The following EFHC1 variants were observed in gnomAD, a reference collection of about 807,000 sequenced individuals.
EFHC1 encodes EF-hand domain containing 1.
In EFHC1, 53 loss-of-function variants were observed where a neutral mutation model predicts 69.9. That is an observed-to-expected ratio of 0.76 (90% CI 0.61 to 0.95). EFHC1 has a LOEUF of 0.95. EFHC1 is among the 40% of genes least tolerant of loss of function. EFHC1 has a pLI of 0.00. For missense variants in EFHC1, 739 were observed against 798.7 expected (o/e 0.93, Z 0.90); for synonymous variants, 256 against 278.4 (o/e 0.92, Z 0.80).
intron 3 of EFHC1, among the ~76,000 whole-genome samples, chr6:52,449,027 C>T (rs558651045): frequency 2.6e-4 from 39 of 152,190 alleles, no homozygotes; most frequent in Non-Finnish European, 4.8e-4. Context: ...ATGCTGGCCT[C>T]ATAGAATGAG....
intron 3 of EFHC1, among the ~76,000 whole-genome samples, chr6:52,448,590 C>T (rs1020026275): frequency 6.6e-6 from 1 of 152,196 alleles, no homozygotes; most frequent in African/African-American, 2.4e-5. Flanking sequence ...TGAGATGAAC[C>T]CAGTACCTCA....
chr6:52,437,335 G>C (rs1581818143), intron 2 of EFHC1, among the ~76,000 whole-genome samples: 1 of 152,150 alleles, frequency 6.6e-6, no homozygotes, highest in African/African-American at 2.4e-5. Context: ...TGACATGGAG[G>C]TGAAGCTAGT....
chr6:52,450,279 T>C (rs1479826284), intron 3 of EFHC1, among the ~76,000 whole-genome samples: 1 of 152,224 alleles, frequency 6.6e-6, no homozygotes, highest in Non-Finnish European at 1.5e-5. Context: ...ACGTATACTC[T>C]GTTGTTTTTG....
At chr6:52,440,743 C>T (rs12665578) in intron 3 of EFHC1, among the ~76,000 whole-genome samples, 28,969 of 152,004 alleles carry the variant, frequency 0.19, 3,228 homozygotes, top group Admixed American at 0.34. Context: ...CTAATTTATA[C>T]TCTCATCACC....
At chr6:52,460,953 T>C (rs376294476) in intron 5 of EFHC1, among the ~76,000 whole-genome samples, 1 of 152,202 alleles carries the variant, frequency 6.6e-6, no homozygotes, top group Non-Finnish European at 1.5e-5. Flanking sequence ...TCATTAACTA[T>C]ACAAATTAAA....
chr6:52,473,741 C>T (rs1765487693), intron 7 of EFHC1, among the ~76,000 whole-genome samples: 1 of 151,924 alleles, frequency 6.6e-6, no homozygotes, highest in African/African-American at 2.4e-5. Flanking sequence ...GAGACTGAGC[C>T]ACTTCACTTC....
At chr6:52,474,567 C>T (rs1056204417) in intron 7 of EFHC1, among the ~76,000 whole-genome samples, 5 of 152,026 alleles carry the variant, frequency 3.3e-5, no homozygotes, top group African/African-American at 1.2e-4. Flanking sequence ...TTTATAATAG[C>T]GTAATTCATA....
At chr6:52,422,861 CAT>C (rs1764220350) in intron 1 of EFHC1, among the ~76,000 whole-genome samples, 1 of 152,152 alleles carries the variant, frequency 6.6e-6, no homozygotes, top group African/African-American at 2.4e-5. Context: ...TTGCAGTACA[CAT>C]ATAATTTTAT....
intron 3 of EFHC1, among the ~76,000 whole-genome samples, chr6:52,451,543 C>T (rs1764916650): frequency 6.6e-6 from 1 of 152,152 alleles, no homozygotes; most frequent in Non-Finnish European, 1.5e-5. Flanking sequence ...GTGACCTGCC[C>T]TTTCTCTGTA....
chr6:52,457,937 T>C (rs1304979939), intron 5 of EFHC1, among the ~76,000 whole-genome samples: 5 of 152,198 alleles, frequency 3.3e-5, no homozygotes, highest in Non-Finnish European at 5.9e-5. Context: ...GGAAACACCA[T>C]GCTAGGCAAT....
rs1218592092 is a variant in EFHC1, at chr6:52,479,804, T to A, written c.1640+17T>A. ...AGCAGAAAGGTGTGTGTTTGATTGC[T>A]AGGGTTTGGCACACTCAAGATATTC... is the stretch of plus-strand genomic sequence containing the variant. On this transcript the variant is annotated intron_variant, in intron 9 of 10. Coordinates refer to ENST00000371068, the MANE Select transcript of EFHC1 (RefSeq NM_018100.4). 1 of 1,613,552 alleles carries A rather than the reference T, an allele frequency of 6.2e-7. No individual in the cohort carries two copies.
intron 7 of EFHC1, among the ~76,000 whole-genome samples, chr6:52,477,989 C>T (rs3933247): frequency 0.18 from 27,226 of 151,796 alleles, 2,880 homozygotes; most frequent in Non-Finnish European, 0.24. Flanking sequence ...ATGTTTATTG[C>T]GGCATTATTC....
At chr6:52,449,251 C>G (rs1764861534) in intron 3 of EFHC1, among the ~76,000 whole-genome samples, 1 of 152,010 alleles carries the variant, frequency 6.6e-6, no homozygotes, top group African/African-American at 2.4e-5. Context: ...GGCGTGGTGG[C>G]AGGCGCCTGT....
At position 52,465,037 on chromosome 6, in the gene EFHC1, G is replaced by A. The variant is rs200024100; in HGVS notation, c.1059G>A (p.Arg353=). Residue 353 remains arginine, a synonymous_variant, in exon 6 of 11, where the codon CGG becomes CGA. Coordinates refer to ENST00000371068, the MANE Select transcript of EFHC1 (RefSeq NM_018100.4). ...ATGATTGTGATCCATTTACTCGACG[G>A]TATTACAAAGAGAAGTTTGGAATCA... ...FIYDCDPFTR[R]YYKEKFGITD... is the part of the protein sequence containing the mutation. 9 of 1,614,062 alleles carry A rather than the reference G, an allele frequency of 5.6e-6. No homozygotes were observed. In the East Asian group the frequency reaches 2.0e-4, roughly 36 times the overall value.
intron 3 of EFHC1, 64 bp from the exon 4 acceptor site, chr6:52,452,624 C>A: frequency 6.4e-7 from 1 of 1,573,096 alleles, no homozygotes; most frequent in South Asian, 1.1e-5. Context: ...TTTATATAAT[C>A]AGTTTATAAC....
intron 7 of EFHC1, among the ~76,000 whole-genome samples, chr6:52,475,264 G>A (rs943912443): frequency 1.3e-5 from 2 of 152,178 alleles, no homozygotes; most frequent in African/African-American, 4.8e-5. Flanking sequence ...AAAGGTTTAT[G>A]AGTGAGGCGG....
chr6:52,437,471 T>G (rs1764558948), intron 2 of EFHC1: 1 of 152,234 alleles, frequency 6.6e-6, no homozygotes, highest in South Asian at 2.1e-4. Context: ...GCGTATATTT[T>G]GGCCATTGCA....
At chr6:52,472,655 TATCTTTTACATACAA>T (rs1448164002) in intron 7 of EFHC1, among the ~76,000 whole-genome samples, 1 of 135,506 alleles carries the variant, frequency 7.4e-6, no homozygotes, top group Non-Finnish European at 1.6e-5. Context: ...AGATATGTAA[TATCTTTTACATACAA>T]GAGATATGTA....
intron 9 of EFHC1, chr6:52,488,596 C>T (rs964711621): frequency 6.6e-6 from 1 of 152,166 alleles, no homozygotes; most frequent in East Asian, 1.9e-4. Context: ...TTTGAAGACA[C>T]AGATATGAAG....
Sources: allele counts gnomAD v4.1 joint callset (sites outside exome capture counted in the v4.1 genomes callset), GRCh38; gene constraint gnomAD v4.1.1; transcripts MANE v1.5; gene names NCBI Gene and HGNC (gene_info 2026-07-23, HGNC 2026-07-21).